Variants in TMEM232 observed in about 807,000 individuals in gnomAD.
TMEM232 encodes transmembrane protein 232.
In TMEM232, 80 loss-of-function variants were observed where a neutral mutation model predicts 78.8. The observed-to-expected ratio is 1.01, with a 90% CI of 0.85 to 1.22. TMEM232 has a LOEUF of 1.22. TMEM232 is among the 50% of genes most tolerant of loss of function. The probability of loss-of-function intolerance (pLI) is 0.00; values close to 1 mark genes in which losing one functional copy is unlikely to be tolerated. For missense variants in TMEM232, 881 were observed against 742.2 expected (o/e 1.19, Z -2.17); for synonymous variants, 297 against 254.3 (o/e 1.17, Z -1.60).
chr5:110,672,355 A>C (rs561388909), intron 1 of TMEM232, among the ~76,000 whole-genome samples: 63 of 152,320 alleles, frequency 4.1e-4, no homozygotes, highest in Non-Finnish European at 7.8e-4. Flanking sequence ...AAACATCAAA[A>C]ATACAAGTTT....
At chr5:110,572,292 T>C (rs560492351) in intron 10 of TMEM232, among the ~76,000 whole-genome samples, 84 of 152,120 alleles carry the variant, frequency 5.5e-4, no homozygotes, top group African/African-American at 1.9e-3. Context: ...GCAAGTAAAA[T>C]AGCAAGACTG....
chr5:110,600,525 C>G (rs1485650469), intron 10 of TMEM232, among the ~76,000 whole-genome samples: 2 of 152,164 alleles, frequency 1.3e-5, no homozygotes, highest in Non-Finnish European at 2.9e-5. Flanking sequence ...TCAGAGAATA[C>G]TATAAACACC....
chr5:110,424,620 CAGA>C (rs1298958023), intron 13 of TMEM232, among the ~76,000 whole-genome samples, 200 bp downstream of exon 13: 3 of 152,052 alleles, frequency 2.0e-5, no homozygotes, highest in Non-Finnish European at 4.4e-5. Context: ...TTACAAATGA[CAGA>C]AGGTCAAATT....
intron 3 of TMEM232, among the ~76,000 whole-genome samples, chr5:110,390,793 G>A (rs1755146251): frequency 1.3e-5 from 2 of 152,188 alleles, no homozygotes; most frequent in African/African-American, 4.8e-5. Flanking sequence ...TGGTAAAAAT[G>A]GTACTTTGGT....
intron 11 of TMEM232, among the ~76,000 whole-genome samples, chr5:110,552,338 G>T (rs1300239666): frequency 6.6e-6 from 1 of 151,808 alleles, no homozygotes; most frequent in African/African-American, 2.4e-5. Flanking sequence ...AAGAAAATAA[G>T]GCTTTCTGAA....
chr5:110,549,605 C>CAAAAAAA (rs1209595068), intron 11 of TMEM232, among the ~76,000 whole-genome samples: 2 of 45,428 alleles, frequency 4.4e-5, no homozygotes, highest in African/African-American at 7.2e-5. Context: ...GTCCCTGTCT[C>CAAAAAAA]AAAAAAAAAA....
At chr5:110,465,854 C>G (rs558887786) in intron 12 of TMEM232, among the ~76,000 whole-genome samples, 34 of 152,240 alleles carry the variant, frequency 2.2e-4, no homozygotes, top group Non-Finnish European at 4.7e-4. Flanking sequence ...TAAGTTAGTT[C>G]TCCAATATTT....
At chr5:110,550,815 T>C (rs1774360865) in intron 11 of TMEM232, among the ~76,000 whole-genome samples, 1 of 151,766 alleles carries the variant, frequency 6.6e-6, no homozygotes, top group African/African-American at 2.4e-5. Flanking sequence ...CAAGTGGACT[T>C]GCTTTTTAAA....
intron 12 of TMEM232, among the ~76,000 whole-genome samples, chr5:110,428,698 A>G (rs751578991): frequency 2.6e-5 from 4 of 151,010 alleles, no homozygotes; most frequent in Admixed American, 1.3e-4. Flanking sequence ...CTCCACTGCA[A>G]TAGTCTTGAA....
rs542637307 is a variant in TMEM232 at position 110,531,320 on chromosome 5, G to A, written c.1456-2485C>T. On this transcript the variant is annotated intron_variant, in intron 11 of 13. Coordinates refer to ENST00000455884, the MANE Select transcript of TMEM232 (RefSeq NM_001039763.4). The stretch of plus-strand genomic sequence containing the variant: ...AGCCTGTTTAGTAGTCTCTTCACAC[G>A]GACACACATGAAATTTGGTGCTGTG... 3.1e-3 allele frequency among the ~76,000 whole-genome samples: 470 copies of A among 152,200 alleles called. 3 individuals are homozygous for A. Among genetic ancestry groups the A allele is most frequent in the African/African-American group, 0.011 (446 of 41,522 alleles).
intron 2 of TMEM232, among the ~76,000 whole-genome samples, chr5:110,732,038 T>C (rs1485520762): frequency 6.6e-6 from 1 of 151,670 alleles, no homozygotes; most frequent in Non-Finnish European, 1.5e-5. Flanking sequence ...CTGTAAATCA[T>C]CTCTCTCAAG....
At chr5:110,585,087 C>T (rs898440370) in intron 10 of TMEM232, among the ~76,000 whole-genome samples, 11 of 152,058 alleles carry the variant, frequency 7.2e-5, no homozygotes, top group Admixed American at 5.9e-4. Flanking sequence ...TATGTAAGGA[C>T]GATTCCCATA....
At chr5:110,457,721 G>C (rs927154552) in intron 12 of TMEM232, among the ~76,000 whole-genome samples, 6 of 151,990 alleles carry the variant, frequency 3.9e-5, no homozygotes, top group Non-Finnish European at 8.8e-5. Flanking sequence ...ATGAATCTCA[G>C]ATGCATTATG....
intron 12 of TMEM232, among the ~76,000 whole-genome samples, chr5:110,513,177 G>GT (rs1768046757): frequency 6.6e-6 from 1 of 152,176 alleles, no homozygotes; most frequent in Non-Finnish European, 1.5e-5. Flanking sequence ...CAGATAAACT[G>GT]AGTTATATAT....
intron 12 of TMEM232, among the ~76,000 whole-genome samples, chr5:110,497,693 C>T (rs1233569621): frequency 3.9e-5 from 6 of 152,042 alleles, no homozygotes; most frequent in South Asian, 2.1e-4. Context: ...TACCTCAATA[C>T]GTAGAACTTT....
intron 10 of TMEM232, among the ~76,000 whole-genome samples, chr5:110,601,899 T>C (rs370566092): frequency 2.6e-5 from 4 of 152,138 alleles, no homozygotes; most frequent in East Asian, 1.9e-4. Flanking sequence ...CAAACTATAC[T>C]ACAAGGCTAT....
intron 12 of TMEM232, among the ~76,000 whole-genome samples, chr5:110,518,395 G>A (rs548883112): frequency 2.0e-4 from 30 of 151,770 alleles, no homozygotes; most frequent in African/African-American, 5.3e-4. Flanking sequence ...TCTGTCCTTC[G>A]GAATACACAG....
intron 1 of TMEM232, among the ~76,000 whole-genome samples, chr5:110,681,690 A>G (rs1460837712): frequency 6.6e-6 from 1 of 152,238 alleles, no homozygotes; most frequent in East Asian, 1.9e-4. Flanking sequence ...AGAAGAGATT[A>G]GCAAAAACAA....
chr5:110,568,742 G>C, intron 10 of TMEM232, 117 bp from the exon 11 acceptor site: 3 of 1,052,232 alleles, frequency 2.9e-6, no homozygotes, highest in Non-Finnish European at 3.9e-6. Context: ...TCTAAAGTCT[G>C]AAATTCTAAG....
Sources: gnomAD v4.1 joint callset for allele counts (sites outside exome capture counted in the v4.1 genomes callset) on GRCh38, gnomAD v4.1.1 for gene constraint, MANE v1.5 for transcripts, NCBI Gene and HGNC (gene_info 2026-07-23, HGNC 2026-07-21) for gene names.